BPIFA1: variants seen among roughly 807,000 people sequenced by gnomAD.
The protein encoded by BPIFA1 is BPI fold-containing family A member 1.
A neutral mutation model predicts 25.1 loss-of-function variants in BPIFA1; 24 were observed. That is an observed-to-expected ratio of 0.96 (90% confidence interval 0.69 to 1.35). The LOEUF (loss-of-function observed/expected upper bound fraction) is 1.35. Among genes scored for constraint, BPIFA1 ranks in the 40% most tolerant of loss-of-function variants. The pLI, the probability that BPIFA1 is intolerant of heterozygous loss-of-function variation, is 0.00. For synonymous variants in BPIFA1, 139 were observed against 131.8 expected, an observed-to-expected ratio of 1.05 and a Z score of -0.37; for missense variants, 344 against 303.7, an observed-to-expected ratio of 1.13 and a Z score of -0.99.
chr20:33,242,020 C>T (rs762730640), intron 6 of BPIFA1, 36 bp from the exon 7 acceptor site: 7 of 1,590,938 alleles, frequency 4.4e-6, no homozygotes, highest in Middle Eastern at 3.3e-4. Flanking sequence ...CTCCAGGGTG[C>T]CACTCTGCCT....
chr20:33,239,946 C>A, intron 4 of BPIFA1, 36 bp downstream of exon 4: 1 of 1,579,306 alleles, frequency 6.3e-7, no homozygotes, highest in Non-Finnish European at 8.7e-7. Flanking sequence ...GAGGATGGCT[C>A]ACCGAGGGAG....
intron 6 of BPIFA1, among the ~76,000 whole-genome samples, chr20:33,241,853 C>A (rs994107573): frequency 2.0e-5 from 3 of 152,216 alleles, no homozygotes; most frequent in Non-Finnish European, 4.4e-5. Context: ...GAACACTGGG[C>A]TTGTTGTGTG....
At chr20:33,240,601 T>A (rs963000314) in intron 5 of BPIFA1, among the ~76,000 whole-genome samples, 1 of 151,060 alleles carries the variant, frequency 6.6e-6, no homozygotes, top group Non-Finnish European at 1.5e-5. Context: ...GATGGTTGGG[T>A]TGATGGAGAG....
At chr20:33,241,990 C>G in intron 6 of BPIFA1, 66 bp from the exon 7 acceptor site, 1 of 1,426,438 alleles carries the variant, frequency 7.0e-7, no homozygotes, top group Non-Finnish European at 9.9e-7. Context: ...CCCAGAGAAC[C>G]CCCACTAGGG....
At chr20:33,240,509 T>C in intron 5 of BPIFA1, 124 bp downstream of exon 5, 2 of 1,287,698 alleles carry the variant, frequency 1.6e-6, no homozygotes, top group African/African-American at 1.5e-5. Context: ...GGAAAATGGA[T>C]GGGAAGGAGG....
At chr20:33,240,025 C>T (rs1253699645) in intron 4 of BPIFA1, 115 bp downstream of exon 4, 1 of 1,347,210 alleles carries the variant, frequency 7.4e-7, no homozygotes, top group Non-Finnish European at 1.0e-6. Context: ...CCAACTTCAG[C>T]TCATTTGCTG....
Position 33,240,357 on chromosome 20 carries a change from G to T in BPIFA1, c.553G>T (p.Gly185Ter). 6.2e-7 allele frequency: 1 copy of T among 1,614,074 alleles called. No individual in the cohort carries two copies. Among genetic ancestry groups the T allele is most frequent in the African/African-American group, 1.3e-5 (1 of 75,010 alleles). Residue 185 changes from glycine to a stop codon, truncating the protein, a stop_gained, in exon 5 of 9, where the codon GGA becomes TGA. Coordinates refer to ENST00000354297, the MANE Select transcript of BPIFA1 (RefSeq NM_130852.3). LOFTEE classifies it high-confidence loss of function. ...CCTTGGTGACTGCACCCATTCCCCT[G>T]GAAGCCTGCAAATTTCTCTGCTTGA... ...LVLGDCTHSP[G>*]SLQISLLDGL...
intron 2 of BPIFA1, 49 bp downstream of exon 2, chr20:33,237,920 G>GTT: frequency 7.0e-7 from 1 of 1,419,660 alleles, no homozygotes. Context: ...GTGTGTGTGT[G>GTT]TGTGTGTGTG....
chr20:33,237,898 A>ATGTGTGTGTG (rs11468029), intron 2 of BPIFA1, 27 bp downstream of exon 2: 4 of 1,188,444 alleles, frequency 3.4e-6, no homozygotes, highest in South Asian at 1.8e-5. Context: ...GTATGTGTGC[A>ATGTGTGTGTG]TGTGTGTGTG....
intron 1 of BPIFA1, among the ~76,000 whole-genome samples, chr20:33,236,707 A>T (rs138326380): frequency 0.011 from 1,695 of 152,296 alleles, 30 homozygotes; most frequent in African/African-American, 0.037. Context: ...GGCAGCTTGA[A>T]GGAGAAGAGA....
chr20:33,242,077 G>A lies in BPIFA1; in HGVS notation c.688G>A (p.Val230Ile), dbSNP rs1296990676. Residue 230 changes from valine to isoleucine, a missense_variant, in exon 7 of 9, where the codon GTT (valine) becomes ATT (isoleucine). Coordinates refer to ENST00000354297, the MANE Select transcript of BPIFA1 (RefSeq NM_130852.3). ...QGNVCPLVNE[V>I]LRGLDITLVH... ...CCAGGTGTGCCCTCTGGTCAATGAGGTTCTCAGAGGCTTGGACATCACCCT... is the reference window on the plus strand; with the variant it reads ...CCAGGTGTGCCCTCTGGTCAATGAGATTCTCAGAGGCTTGGACATCACCCT... The A allele has an allele frequency of 3.7e-6, 6 of 1,613,996 alleles. No individual in the cohort carries two copies. The highest frequency in any genetic ancestry group is 5.1e-6 in the Non-Finnish European group (6 of 1,180,018).
chr20:33,242,597 G>T, intron 8 of BPIFA1, 36 bp downstream of exon 8: 1 of 1,502,306 alleles, frequency 6.7e-7, no homozygotes, highest in Non-Finnish European at 9.3e-7. Context: ...GGTTTTGGGG[G>T]CTGGCTGTTC....
At position 33,241,451 on chromosome 20, in the gene BPIFA1, T is replaced by C. The variant is rs1047106388; in HGVS notation, c.648T>C (p.Pro216=). 1.9e-6 allele frequency: 3 copies of C among 1,614,072 alleles called. No homozygotes were observed. The Admixed American group carries it at 5.0e-5, about 27-fold the overall frequency. Residue 216 remains proline (P), a synonymous_variant, in exon 6 of 9, where the codon CCT becomes CCC. Transcript: ENST00000354297. ...SLTGILNKVL[P]ELVQGNVCPL... ...CAGGGATCTTGAATAAAGTCCTGCC[T>C]GAGTTGGTTCAGGGCAACGTAAGTA...
chr20:33,240,154 C>A, intron 4 of BPIFA1, 79 bp from the exon 5 acceptor site: 1 of 1,566,688 alleles, frequency 6.4e-7, no homozygotes, highest in Non-Finnish European at 8.7e-7. Context: ...GTGAGGCTAG[C>A]ATTCTTGGCA....
At position 33,239,829 on chromosome 20, in the gene BPIFA1, T is replaced by C; in HGVS notation, c.347T>C (p.Leu116Pro). ...IDIKVTDPQL[L>P]ELGLVQSPDG... ...ATAAAGGTCACTGACCCCCAGCTGC[T>C]GGAACTTGGCCTTGTGCAGAGCCCT... is the stretch of plus-strand genomic sequence containing the variant. The change falls in exon 4 of 9, where the codon CTG becomes CCG. Residue 116 changes from leucine (L) to proline (P), a missense_variant. Physicochemically the swap from Leu to Pro is moderately conservative, Grantham distance 98. Transcript: ENST00000354297. 6.2e-7 allele frequency: 1 copy of C among 1,614,210 alleles called. No homozygotes were observed. The highest frequency in any genetic ancestry group is 1.7e-4 in the Middle Eastern group (1 of 6,060).
intron 1 of BPIFA1, among the ~76,000 whole-genome samples, chr20:33,236,904 G>A (rs1411655108): frequency 2.0e-5 from 3 of 152,160 alleles, no homozygotes; most frequent in East Asian, 3.9e-4. Context: ...CCCAACAAAG[G>A]TCTACATGAG....
At position 33,239,920 on chromosome 20, in the gene BPIFA1, T is replaced by A. The variant is rs186232151; in HGVS notation, c.428+10T>A. ...AGCTCCAAGTGAATACGTGAGTGGG[T>A]CCCAAGAGGGGGTGAGAGGATGGCT... On this transcript the variant is annotated intron_variant, in intron 4 of 8. Transcript: ENST00000354297. The A allele has an allele frequency of 1.9e-6, 3 of 1,609,392 alleles. No individual in the cohort carries two copies. The highest frequency in any genetic ancestry group is 4.5e-5 in the East Asian group (2 of 44,862).
chr20:33,242,118 T>C lies in BPIFA1; in HGVS notation c.729T>C (p.Val243=), dbSNP rs2146502985. The C allele has an allele frequency of 6.2e-7, 1 of 1,614,072 alleles. No individual in the cohort carries two copies. The highest frequency in any genetic ancestry group is 1.3e-5 in the African/African-American group (1 of 75,040). ...GLDITLVHDI[V]NMLIHGLQFV... ...ACATCACCCTGGTGCATGACATTGT[T>C]AGTAAGTACCTGCTTTCAAGCCCTC... The change falls in exon 7 of 9, where the codon GTT becomes GTC. Residue 243 remains valine (V), a splice_region_variant and synonymous_variant. Transcript: ENST00000354297.
rs59418268 is a variant in BPIFA1 at position 33,243,256 on chromosome 20, C to T, written c.*184C>T. 0.019 allele frequency: 2,968 copies of T among 152,406 alleles called. 87 individuals are homozygous for T. Among genetic ancestry groups the T allele is most frequent in the African/African-American group, 0.068 (2,837 of 41,544 alleles). The allele number at this position is 152,406 out of a possible 1,614,324, so 9.4% of individuals were successfully genotyped here. On this transcript the variant is annotated 3_prime_UTR_variant, in exon 9 of 9. Transcript: ENST00000354297. The stretch of plus-strand genomic sequence containing the variant: ...CTGCCCCCTCTCCTTTCCCACCAGG[C>T]GTGTGTAACATCCCATGTGCCTCAC...
Sources: gnomAD v4.1 joint callset for allele counts (sites outside exome capture counted in the v4.1 genomes callset) on GRCh38, gnomAD v4.1.1 for gene constraint, MANE v1.5 for transcripts, NCBI Gene and HGNC (gene_info 2026-07-23, HGNC 2026-07-21) for gene names.